Variants in PELI1 observed in about 807,000 individuals in gnomAD.
The protein encoded by PELI1 is E3 ubiquitin-protein ligase pellino homolog 1.
PELI1 carries 15 observed loss-of-function variants against 41.3 expected under a neutral mutation model. That is an observed-to-expected ratio of 0.36 (90% confidence interval 0.24 to 0.56). The LOEUF is 0.56. PELI1 is among the 20% of genes least tolerant of loss of function. The pLI, the probability that PELI1 is intolerant of heterozygous loss-of-function variation, is 0.82. For missense variants in PELI1, 403 were observed against 525.5 expected (o/e 0.77, Z 2.28); for synonymous variants, 178 against 180.1 (o/e 0.99, Z 0.09).
intron 1 of PELI1, among the ~76,000 whole-genome samples, chr2:64,122,679 A>T (rs1421686794): frequency 6.6e-6 from 1 of 152,188 alleles, no homozygotes; most frequent in Non-Finnish European, 1.5e-5. Context: ...ATTCACGCAG[A>T]TGGCATTTGC....
intron 4 of PELI1, among the ~76,000 whole-genome samples, chr2:64,099,332 A>G (rs996598970): frequency 1.3e-5 from 2 of 152,186 alleles, no homozygotes; most frequent in African/African-American, 4.8e-5. Context: ...TTGATTTTAA[A>G]AAAAAGCTAA....
chr2:64,127,073 T>C (rs972499389), intron 1 of PELI1, among the ~76,000 whole-genome samples: 2 of 152,242 alleles, frequency 1.3e-5, no homozygotes, highest in Admixed American at 6.5e-5. Flanking sequence ...AATCTCTTTA[T>C]ACTCTTAGAA....
chr2:64,106,513 T>C (rs1339277893), intron 2 of PELI1, among the ~76,000 whole-genome samples: 2 of 152,230 alleles, frequency 1.3e-5, no homozygotes, highest in Non-Finnish European at 2.9e-5. Flanking sequence ...TAAGAGCTGT[T>C]TGTCATTGAT....
chr2:64,096,054 G>T (rs1680222109), intron 6 of PELI1, 71 bp downstream of exon 6: 1 of 1,013,722 alleles, frequency 9.9e-7, no homozygotes, highest in Non-Finnish European at 1.5e-6. Flanking sequence ...TGGAATGTAT[G>T]TAATGCATTC....
At chr2:64,109,033 T>C (rs911419898) in intron 1 of PELI1, among the ~76,000 whole-genome samples, 2 of 152,198 alleles carry the variant, frequency 1.3e-5, no homozygotes, top group Non-Finnish European at 2.9e-5. Flanking sequence ...GGAGCTCCAA[T>C]GCCCTATTAG....
At position 64,114,437 on chromosome 2, in the gene PELI1, T is replaced by C. The variant is rs138486663; in HGVS notation, c.-69-6058A>G. 3.3e-5 allele frequency among the ~76,000 whole-genome samples: 5 copies of C among 152,296 alleles called. No homozygotes were observed. The East Asian group carries it at 9.6e-4, about 29-fold the overall frequency. ...GAGAAATAATGGTGTGCAGTAGTAG[T>C]TGGAGGTTACTACTTTCTGCTAGTG... is the stretch of plus-strand genomic sequence containing the variant. On this transcript the variant is annotated intron_variant, in intron 1 of 6. Coordinates refer to ENST00000358912, the MANE Select transcript of PELI1 (RefSeq NM_020651.4).
At chr2:64,139,706 C>G (rs1681833273) in intron 1 of PELI1, among the ~76,000 whole-genome samples, 1 of 152,182 alleles carries the variant, frequency 6.6e-6, no homozygotes, top group Admixed American at 6.5e-5. Context: ...AGCATCTAGA[C>G]CTGTGACATG....
chr2:64,120,920 A>T (rs1393610995), intron 1 of PELI1, among the ~76,000 whole-genome samples: 1 of 152,242 alleles, frequency 6.6e-6, no homozygotes, highest in Non-Finnish European at 1.5e-5. Flanking sequence ...TCACTATAAT[A>T]GTACCTAGTA....
At chr2:64,101,888 T>C (rs1267767074) in intron 3 of PELI1, among the ~76,000 whole-genome samples, 1 of 144,332 alleles carries the variant, frequency 6.9e-6, no homozygotes, top group Non-Finnish European at 1.5e-5. Context: ...AGTGCAGTGG[T>C]GCTATCTCGG....
chr2:64,122,145 A>G (rs776474220), intron 1 of PELI1, among the ~76,000 whole-genome samples: 10 of 151,992 alleles, frequency 6.6e-5, no homozygotes, highest in Non-Finnish European at 1.2e-4. Context: ...AACCTGAAGT[A>G]GTGTTCTTGG....
chr2:64,120,340 G>A (rs1681165936), intron 1 of PELI1, among the ~76,000 whole-genome samples: 1 of 152,208 alleles, frequency 6.6e-6, no homozygotes, highest in South Asian at 2.1e-4. Flanking sequence ...CATAGAGCTA[G>A]TCTAATCCTC....
chr2:64,113,788 A>T (rs570033403), intron 1 of PELI1, among the ~76,000 whole-genome samples: 4 of 152,318 alleles, frequency 2.6e-5, no homozygotes, highest in African/African-American at 9.6e-5. Context: ...GTGAAATACA[A>T]TTATTTTCAT....
intron 1 of PELI1, among the ~76,000 whole-genome samples, chr2:64,109,946 AGCTGAAAAAATAAAGAG>A (rs1329160470): frequency 6.6e-6 from 1 of 152,114 alleles, no homozygotes; most frequent in African/African-American, 2.4e-5. Context: ...GAAAGAGTAA[AGCTGAAAAAATAAAGAG>A]GCTGGGAGCA....
At chr2:64,112,473 C>T (rs1022175788) in intron 1 of PELI1, among the ~76,000 whole-genome samples, 5 of 152,114 alleles carry the variant, frequency 3.3e-5, no homozygotes, top group South Asian at 2.1e-4. Flanking sequence ...AACAAGAGTA[C>T]GGCTGGCATA....
chr2:64,131,088 G>T (rs766113893), intron 1 of PELI1, among the ~76,000 whole-genome samples: 49 of 152,036 alleles, frequency 3.2e-4, no homozygotes, highest in Admixed American at 5.9e-4. Flanking sequence ...GAGTACCTAG[G>T]AGAGAACCTT....
chr2:64,123,380 G>A (rs774760503), intron 1 of PELI1, among the ~76,000 whole-genome samples: 11 of 152,082 alleles, frequency 7.2e-5, no homozygotes, highest in Non-Finnish European at 1.2e-4. Context: ...TACTGCCATA[G>A]GTAACCCACA....
chr2:64,107,664 C>T (rs953524758), intron 2 of PELI1, among the ~76,000 whole-genome samples: 1 of 151,692 alleles, frequency 6.6e-6, no homozygotes, highest in Middle Eastern at 3.4e-3. Context: ...GGATAAATAA[C>T]ATTTTTCATT....
intron 2 of PELI1, among the ~76,000 whole-genome samples, chr2:64,106,946 G>C (rs1031282897): frequency 2.0e-5 from 3 of 151,990 alleles, no homozygotes; most frequent in South Asian, 4.2e-4. Context: ...CATTTTTTTC[G>C]AGACGGAGTC....
At chr2:64,096,358 C>G (rs755193040) in intron 5 of PELI1, 45 bp from the exon 6 acceptor site, 1 of 1,595,924 alleles carries the variant, frequency 6.3e-7, no homozygotes, top group African/African-American at 1.3e-5. Context: ...TAACTTGTAA[C>G]TTGGAATGAA....
Sources: gnomAD v4.1 joint callset for allele counts (sites outside exome capture counted in the v4.1 genomes callset) on GRCh38, gnomAD v4.1.1 for gene constraint, MANE v1.5 for transcripts, NCBI Gene and HGNC (gene_info 2026-07-23, HGNC 2026-07-21) for gene names.